SP140L: variants seen among roughly 807,000 people sequenced by gnomAD.
SP140L encodes the protein SP140 like nuclear body protein.
A neutral mutation model predicts 84.3 loss-of-function variants in SP140L; 64 were observed. That is an observed-to-expected ratio of 0.76 (90% CI 0.62 to 0.94). SP140L has a LOEUF of 0.94. SP140L is among the 40% of genes least tolerant of loss of function. The pLI is 0.00. For synonymous variants in SP140L, 242 were observed against 236.9 expected (o/e 1.02, Z -0.20); for missense variants, 628 against 692.5 (o/e 0.91, Z 1.05).
intron 2 of SP140L, among the ~76,000 whole-genome samples, chr2:230,332,090 G>A (rs1290995079): frequency 6.6e-6 from 1 of 152,096 alleles, no homozygotes; most frequent in East Asian, 1.9e-4. Flanking sequence ...TCTGACAGAT[G>A]CCTTTTATCA....
chr2:230,336,617 T>C (rs2059890403), intron 2 of SP140L, among the ~76,000 whole-genome samples: 1 of 152,212 alleles, frequency 6.6e-6, no homozygotes, highest in Non-Finnish European at 1.5e-5. Context: ...TCATTACACA[T>C]CTACTTAACC....
At chr2:230,347,678 G>A (rs2060249740) in intron 2 of SP140L, among the ~76,000 whole-genome samples, 1 of 152,150 alleles carries the variant, frequency 6.6e-6, no homozygotes, top group South Asian at 2.1e-4. Flanking sequence ...TTACCTGCGT[G>A]GTCAAGGACG....
At chr2:230,363,009 C>T (rs559299895) in intron 5 of SP140L, among the ~76,000 whole-genome samples, 1 of 152,106 alleles carries the variant, frequency 6.6e-6, no homozygotes, top group African/African-American at 2.4e-5. Flanking sequence ...TGTAAACGCA[C>T]ATAAGGACAA....
intron 2 of SP140L, among the ~76,000 whole-genome samples, chr2:230,352,389 G>A (rs1310611624): frequency 6.6e-6 from 1 of 152,138 alleles, no homozygotes; most frequent in Admixed American, 6.5e-5. Context: ...AACAATTATG[G>A]TAGAGGGTGA....
chr2:230,358,562 A>G (rs998492218), intron 3 of SP140L, among the ~76,000 whole-genome samples: 15 of 152,202 alleles, frequency 9.9e-5, no homozygotes, highest in Admixed American at 2.0e-4. Flanking sequence ...ATGGTCACCT[A>G]GTTTCTTTGA....
Position 230,400,399 on chromosome 2 carries a change from C to T in SP140L, c.1313+157C>T, listed in dbSNP as rs147498698. On this transcript the variant is annotated intron_variant, in intron 15 of 18. Transcript: ENST00000415673. ...GTGTGATCCAGAGAGCAGTGGGAGA[C>T]GCTGGCAGCAGGAGGTAAATGCTCT... 1.5e-3 allele frequency: 1,019 copies of T among 685,378 alleles called. 12 individuals are homozygous for T. In the African/African-American group the frequency reaches 0.016, roughly 11 times the overall value. 42.5% of individuals were successfully genotyped at this position (685,378 alleles called of 1,614,324 possible).
intron 7 of SP140L, among the ~76,000 whole-genome samples, chr2:230,373,521 C>T (rs572047623): frequency 5.3e-5 from 8 of 152,324 alleles, no homozygotes; most frequent in African/African-American, 1.2e-4. Flanking sequence ...GATGAGAGCA[C>T]ATCTGTTTAC....
chr2:230,382,270 T>G (rs1464746286), intron 7 of SP140L, among the ~76,000 whole-genome samples: 1 of 148,148 alleles, frequency 6.8e-6, no homozygotes, highest in African/African-American at 2.5e-5. Context: ...GTCTCATGCC[T>G]GGTGCGGAGA....
intron 2 of SP140L, among the ~76,000 whole-genome samples, chr2:230,349,134 A>G (rs2060292463): frequency 6.6e-6 from 1 of 152,234 alleles, no homozygotes; most frequent in Non-Finnish European, 1.5e-5. Flanking sequence ...TGTTGAAAAG[A>G]CTATCTTTTC....
At chr2:230,388,931 G>A (rs561216997) in intron 10 of SP140L, 5 of 233,636 alleles carry the variant, frequency 2.1e-5, no homozygotes, top group South Asian at 8.9e-5. Context: ...GGTATAACCC[G>A]TAAGTGATTT....
intron 5 of SP140L, among the ~76,000 whole-genome samples, chr2:230,366,070 TG>T (rs1409017812): frequency 6.6e-6 from 1 of 152,176 alleles, no homozygotes; most frequent in East Asian, 1.9e-4. Flanking sequence ...CATGTACAAG[TG>T]AGAAGAATGT....
chr2:230,375,577 A>G (rs1326266850), intron 7 of SP140L, among the ~76,000 whole-genome samples: 2 of 152,114 alleles, frequency 1.3e-5, no homozygotes, highest in Non-Finnish European at 2.9e-5. Context: ...CCTTTTTGAT[A>G]ATAGCTATCC....
intron 2 of SP140L, among the ~76,000 whole-genome samples, chr2:230,353,393 T>G (rs1269011174): frequency 6.6e-6 from 1 of 152,086 alleles, no homozygotes; most frequent in Non-Finnish European, 1.5e-5. Flanking sequence ...AAATAATAAA[T>G]CATTCTTATT....
chr2:230,381,148 C>T (rs12463918), intron 7 of SP140L, among the ~76,000 whole-genome samples: 34,959 of 151,832 alleles, frequency 0.23, 5,016 homozygotes, highest in South Asian at 0.44. Context: ...GCTAGCTAGG[C>T]GACTGCTAGC....
chr2:230,402,837 G>C lies in SP140L; in HGVS notation c.1684G>C (p.Glu562Gln). Reference sequence around the variant, plus strand: ...CCAAATGGGACTTAGACTGGAGGCTGAATTTGAGAAGGATTTCAAGGAAGT... The same window carrying C: ...CCAAATGGGACTTAGACTGGAGGCTCAATTTGAGAAGGATTTCAAGGAAGT... ...FGQMGLRLEA[E>Q]FEKDFKEVFA... is the part of the protein sequence containing the mutation. The change falls in exon 19 of 19, where the codon GAA becomes CAA. Residue 562 changes from glutamate (E) to glutamine (Q), a missense_variant. Glu to Gln is a conservative substitution (Grantham distance 29, BLOSUM62 2). Around this residue, in one of 4 missense-constraint regions of SP140L, gnomAD observed 44 missense variants for 36.1 expected, o/e 1.22. Coordinates refer to ENST00000415673, the MANE Select transcript of SP140L (RefSeq NM_138402.6). The C allele has an allele frequency of 1.2e-6, 2 of 1,613,040 alleles. No individual in the cohort carries two copies. The highest frequency in any genetic ancestry group is 8.5e-7 in the Non-Finnish European group (1 of 1,179,724).
chr2:230,354,892 A>AGAAAGAAG, intron 2 of SP140L, among the ~76,000 whole-genome samples: 1 of 148,676 alleles, frequency 6.7e-6, no homozygotes, highest in Admixed American at 6.7e-5. Context: ...AAAGAAAGAA[A>AGAAAGAAG]GAAAGGAAAG....
chr2:230,344,032 C>T (rs1247231125), intron 2 of SP140L, among the ~76,000 whole-genome samples: 2 of 152,070 alleles, frequency 1.3e-5, no homozygotes. Context: ...AGATATCTAT[C>T]AGGTCTACTT....
intron 2 of SP140L, among the ~76,000 whole-genome samples, chr2:230,354,536 G>T (rs750661468): frequency 2.0e-5 from 3 of 152,120 alleles, no homozygotes; most frequent in Non-Finnish European, 2.9e-5. Context: ...GGGAGGCCAA[G>T]GTGGGAGGAT....
At chr2:230,371,100 C>A in intron 6 of SP140L, 133 bp downstream of exon 6, 1 of 724,102 alleles carries the variant, frequency 1.4e-6, no homozygotes, top group Admixed American at 2.5e-5. Flanking sequence ...CTTTGGGGAA[C>A]TGCAGAGAGG....
Sources: allele counts gnomAD v4.1 joint callset (sites outside exome capture counted in the v4.1 genomes callset), GRCh38; gene constraint gnomAD v4.1.1; regional missense constraint gnomAD v4.1.1; transcripts MANE v1.5; gene names NCBI Gene and HGNC (gene_info 2026-07-23, HGNC 2026-07-21).